Variants in KIRREL3 observed in about 807,000 individuals in gnomAD.
KIRREL3 encodes kin of IRRE-like protein 3.
KIRREL3 carries 36 observed loss-of-function variants against 89.7 expected under a neutral mutation model. The ratio of observed to expected loss-of-function variants is 0.40; its 90% CI spans 0.31 to 0.53. The LOEUF is 0.53. Ranked by LOEUF, KIRREL3 falls within the 20% of genes least tolerant of loss-of-function variation. The pLI, the probability that KIRREL3 is intolerant of heterozygous loss-of-function variation, is 0.49. For synonymous variants in KIRREL3, 445 were observed against 441.4 expected (o/e 1.01, Z -0.10); for missense variants, 864 against 1,056.6 (o/e 0.82, Z 2.53).
At chr11:126,928,275 T>G (rs1048321970) in intron 1 of KIRREL3, among the ~76,000 whole-genome samples, 1 of 152,210 alleles carries the variant, frequency 6.6e-6, no homozygotes, top group Non-Finnish European at 1.5e-5. Flanking sequence ...GATATCTGGA[T>G]GTGCACCCAG....
rs148470073 is a variant in KIRREL3, at chr11:126,795,299, C to A, written c.55+205156G>T. On this transcript the variant is annotated intron_variant, in intron 1 of 16. Coordinates refer to ENST00000525144, the MANE Select transcript of KIRREL3 (RefSeq NM_032531.4). The surrounding 1 kb of genome is among the most constrained non-coding windows in gnomAD (Gnocchi z 4.1). ...TGGTAACAGATATACTACACTAATG[C>A]AAGATGCTAATAATGGGGGAAACTC... Among the ~76,000 whole-genome samples, 6 of 152,262 alleles carry A rather than the reference C, an allele frequency of 3.9e-5. No homozygotes were observed. The highest frequency in any genetic ancestry group is 1.4e-4 in the African/African-American group (6 of 41,540).
rs1019111709 is a variant in KIRREL3 at position 126,565,420 on chromosome 11, A to G, written c.56-2508T>C. ...AGAAGTTTTAAAAAACCTGATTAAT[A>G]AAAGAAATTGAGAATGAGGCAATTT... On this transcript the variant is annotated intron_variant, in intron 1 of 16. Transcript: ENST00000525144. This position sits in a 1 kb window ranked among gnomAD's most constrained non-coding sequence, Gnocchi z 5.4. Among the ~76,000 whole-genome samples the G allele has an allele frequency of 2.6e-5, 4 of 152,222 alleles. 1 individual carries two copies. Among genetic ancestry groups the G allele is most frequent in the African/African-American group, 9.6e-5 (4 of 41,460 alleles).
intron 2 of KIRREL3, among the ~76,000 whole-genome samples, chr11:126,536,288 G>A (rs1169635049): frequency 2.6e-5 from 4 of 151,740 alleles, no homozygotes; most frequent in African/African-American, 9.7e-5. Context: ...TGTGTGTATC[G>A]GATAGGAAGG....
intron 1 of KIRREL3, among the ~76,000 whole-genome samples, chr11:126,874,463 C>T (rs961235087): frequency 2.6e-5 from 4 of 152,182 alleles, no homozygotes; most frequent in Non-Finnish European, 4.4e-5. Context: ...ACTGCCGGTG[C>T]CTGTGCTGCT....
At chr11:126,626,143 A>G (rs928338599) in intron 1 of KIRREL3, among the ~76,000 whole-genome samples, 11 of 152,212 alleles carry the variant, frequency 7.2e-5, no homozygotes, top group East Asian at 1.9e-4. Context: ...ACATGTTTCT[A>G]TAGTCCTGGG....
At position 126,430,768 on chromosome 11, in the gene KIRREL3, CTG is replaced by C. The variant is rs762618724; in HGVS notation, c.1696+649_1696+650del. 2.0e-5 allele frequency among the ~76,000 whole-genome samples: 3 copies of C among 152,180 alleles called. No individual in the cohort carries two copies. Among genetic ancestry groups the C allele is most frequent in the Non-Finnish European group, 4.4e-5 (3 of 68,030 alleles). On this transcript the variant is annotated intron_variant, in intron 14 of 16. Transcript: ENST00000525144. The surrounding 1 kb of genome is among the most constrained non-coding windows in gnomAD (Gnocchi z 6.6). ...AAATGAGGAGACAGGCCTGGAATAA[CTG>C]TGGCTGGCCCAGGGTCATGTGGCAG...
intron 1 of KIRREL3, among the ~76,000 whole-genome samples, chr11:126,925,448 C>G (rs568613835): frequency 6.6e-6 from 1 of 152,310 alleles, no homozygotes; most frequent in South Asian, 2.1e-4. Context: ...GACACAGAGG[C>G]TGCCTGAGGC....
intron 1 of KIRREL3, among the ~76,000 whole-genome samples, chr11:126,963,322 C>CACACACACACACACAGAAACACACACAG (rs1949153626): frequency 6.6e-6 from 1 of 151,268 alleles, no homozygotes; most frequent in Admixed American, 6.6e-5. Flanking sequence ...CACACACACA[C>CACACACACACACACAGAAACACACACAG]ACACACACAC....
Position 126,473,443 on chromosome 11 carries a change from G to C in KIRREL3, c.457C>G (p.Leu153Val). The C allele has an allele frequency of 6.4e-7, 1 of 1,566,034 alleles. No homozygotes were observed. Among genetic ancestry groups the C allele is most frequent in the Non-Finnish European group, 8.7e-7 (1 of 1,146,152 alleles). The change falls in exon 5 of 17, where the codon CTG (leucine) becomes GTG (valine). Residue 153 changes from leucine (L) to valine (V), a missense_variant. By Grantham distance (32) the Leu-to-Val change is conservative. Transcript: ENST00000525144. ...VLVPPDDPVI[L>V]GGPVISLRAG... is the part of the protein sequence containing the mutation. Reference sequence around the variant, plus strand: ...CGCAGGCTGATCACAGGGCCCCCCAGGATGACGGGGTCATCAGGCGGCACT... The same window carrying C: ...CGCAGGCTGATCACAGGGCCCCCCACGATGACGGGGTCATCAGGCGGCACT...
In KIRREL3 at chr11:126,561,816, C is replaced by A. The variant is rs1289517241; in HGVS notation, c.133+1019G>T. ...GAAACAGGTCCACAGCTGGCAAAGT[C>A]TCAGGCATGGGGAGCGCATGGGGAT... On this transcript the variant is annotated intron_variant, in intron 2 of 16. Coordinates refer to ENST00000525144, the MANE Select transcript of KIRREL3 (RefSeq NM_032531.4). The surrounding 1 kb of genome is among the most constrained non-coding windows in gnomAD (Gnocchi z 4.5). Among the ~76,000 whole-genome samples the A allele has an allele frequency of 6.6e-6, 1 of 152,172 alleles. No homozygotes were observed. The highest frequency in any genetic ancestry group is 1.5e-5 in the Non-Finnish European group (1 of 68,028).
intron 1 of KIRREL3, among the ~76,000 whole-genome samples, chr11:126,819,619 C>T (rs1943138965): frequency 6.6e-6 from 1 of 152,222 alleles, no homozygotes; most frequent in Non-Finnish European, 1.5e-5. Flanking sequence ...TTGGGCGGGG[C>T]TCAGGCCAGA....
rs1238434221 is a variant in KIRREL3, at chr11:126,477,126, G to A, written c.434-3660C>T. 1.3e-5 allele frequency among the ~76,000 whole-genome samples: 2 copies of A among 152,246 alleles called. No individual in the cohort carries two copies. The highest frequency in any genetic ancestry group is 2.4e-5 in the African/African-American group (1 of 41,464). ...CTGGAAGCCAGCCTAAGAGGCCACAGCGCGGCCTTAGCCGGGGGTGGCTGA... is the reference window on the plus strand; with the variant it reads ...CTGGAAGCCAGCCTAAGAGGCCACAACGCGGCCTTAGCCGGGGGTGGCTGA... On this transcript the variant is annotated intron_variant, in intron 4 of 16. Transcript: ENST00000525144. The surrounding 1 kb of genome is among the most constrained non-coding windows in gnomAD (Gnocchi z 4.8).
rs374295720 is a variant in KIRREL3 at position 126,748,746 on chromosome 11, TG to T, written c.56-185835del. Among the ~76,000 whole-genome samples the T allele has an allele frequency of 9.2e-5, 14 of 152,304 alleles. 1 individual carries two copies. In the East Asian group the frequency reaches 2.7e-3, roughly 29 times the overall value. The stretch of plus-strand genomic sequence containing the variant: ...CCAGGCCACGTGTGCCATCCATCGC[TG>T]TGATAAAAGCCTCTCTGCCCACCGA... On this transcript the variant is annotated intron_variant, in intron 1 of 16. Coordinates refer to ENST00000525144, the MANE Select transcript of KIRREL3 (RefSeq NM_032531.4). This position sits in a 1 kb window ranked among gnomAD's most constrained non-coding sequence, Gnocchi z 4.6.
Position 126,541,925 on chromosome 11 carries a change from G to T in KIRREL3, c.134-15238C>A, listed in dbSNP as rs1269045346. Among the ~76,000 whole-genome samples the T allele has an allele frequency of 1.3e-5, 2 of 152,220 alleles. No homozygotes were observed. Among genetic ancestry groups the T allele is most frequent in the African/African-American group, 2.4e-5 (1 of 41,462 alleles). On this transcript the variant is annotated intron_variant, in intron 2 of 16. Transcript: ENST00000525144. The surrounding 1 kb of genome is among the most constrained non-coding windows in gnomAD (Gnocchi z 4.8). The stretch of plus-strand genomic sequence containing the variant: ...TCATGCAACCCTTTTTGTCAGTGAA[G>T]TCTCACAGGGAATCCCAGTGTATAA...
Position 126,781,035 on chromosome 11 carries a change from C to G in KIRREL3, c.56-218123G>C, listed in dbSNP as rs939531. Among the ~76,000 whole-genome samples the G allele has an allele frequency of 3.0e-3, 459 of 152,276 alleles. 1 individual carries two copies. Among genetic ancestry groups the G allele is most frequent in the African/African-American group, 0.01 (431 of 41,552 alleles). ...TCTGGGCTGAAACAGAGGCAGGGAC[C>G]AGGAAGCAATTTTAACTCTGGAAAC... On this transcript the variant is annotated intron_variant, in intron 1 of 16. Coordinates refer to ENST00000525144, the MANE Select transcript of KIRREL3 (RefSeq NM_032531.4).
chr11:126,659,780 C>T (rs1041688719), intron 1 of KIRREL3, among the ~76,000 whole-genome samples: 6 of 152,168 alleles, frequency 3.9e-5, no homozygotes, highest in Non-Finnish European at 5.9e-5. Flanking sequence ...GACAACTGAA[C>T]TGGAATTTCT....
At chr11:126,634,287 G>A (rs762840822) in intron 1 of KIRREL3, among the ~76,000 whole-genome samples, 3 of 152,168 alleles carry the variant, frequency 2.0e-5, no homozygotes, top group East Asian at 1.9e-4. Context: ...ACTTTGTGCC[G>A]GACCCTATGA....
rs1226710679 is a variant in KIRREL3 at position 126,969,537 on chromosome 11, T to C, written c.55+30918A>G. Among the ~76,000 whole-genome samples the C allele has an allele frequency of 1.3e-5, 2 of 152,026 alleles. No homozygotes were observed. The highest frequency in any genetic ancestry group is 2.4e-5 in the African/African-American group (1 of 41,386). ...TGAGGGCGGAGGCTGTGGGTAGCAA[T>C]GGAGCATGGTGTGTTCAGAGCCAGC... On this transcript the variant is annotated intron_variant, in intron 1 of 16. Transcript: ENST00000525144. This position sits in a 1 kb window ranked among gnomAD's most constrained non-coding sequence, Gnocchi z 4.9.
At chr11:126,757,429 A>G (rs1336189280) in intron 1 of KIRREL3, among the ~76,000 whole-genome samples, 2 of 152,212 alleles carry the variant, frequency 1.3e-5, no homozygotes, top group Non-Finnish European at 2.9e-5. Flanking sequence ...GGAGAAAAAG[A>G]AAATCTTTGG....
Sources: gnomAD v4.1 joint callset for allele counts (sites outside exome capture counted in the v4.1 genomes callset) on GRCh38, gnomAD v4.1.1 for gene constraint, Gnocchi (gnomAD v3.1) non-coding constraint, MANE v1.5 for transcripts, NCBI Gene and HGNC (gene_info 2026-07-23, HGNC 2026-07-21) for gene names.